Variants in FAM53A observed in about 807,000 individuals in gnomAD.
The protein encoded by FAM53A is protein FAM53A.
A neutral mutation model predicts 26.6 loss-of-function variants in FAM53A; 28 were observed. The ratio of observed to expected loss-of-function variants is 1.05; its 90% CI spans 0.78 to 1.45. FAM53A has a LOEUF of 1.45. Ranked by LOEUF, FAM53A falls within the 40% of genes most tolerant of loss-of-function variation. The probability of loss-of-function intolerance (pLI) is 0.00; values close to 1 mark genes in which losing one functional copy is unlikely to be tolerated. For missense variants in FAM53A, 650 were observed against 575.8 expected (o/e 1.13, Z -1.32); for synonymous variants, 290 against 253.1 (o/e 1.15, Z -1.38).
At chr4:1,638,671 C>T (rs534355320), downstream of FAM53A, among the ~76,000 whole-genome samples, 94 of 152,068 alleles carry the variant, frequency 6.2e-4, no homozygotes, top group African/African-American at 2.0e-3. Flanking sequence ...AGGGGAGTGT[C>T]GGAGGGGTGG....
rs1715551609 is a variant in FAM53A, at chr4:1,630,220, C to T, written c.432-12109G>A. On this transcript the variant is annotated intron_variant, in intron 1 of 1. Transcript: ENST00000489029. The surrounding 1 kb of genome is among the most constrained non-coding windows in gnomAD (Gnocchi z 4.3). ...CCCACGAGGCAGGTGCACAAGACAG[C>T]CTGGCCCTGGTGCCACCTGCTGCAG... Among the ~76,000 whole-genome samples, 1 of 152,222 alleles carries T rather than the reference C, an allele frequency of 6.6e-6. No homozygotes were observed.
At chr4:1,622,289 G>T (rs949857530) in intron 1 of FAM53A, among the ~76,000 whole-genome samples, 3 of 152,182 alleles carry the variant, frequency 2.0e-5, no homozygotes, top group Non-Finnish European at 4.4e-5. Context: ...CCCCAGTGTG[G>T]GGGTGACGAC....
intron 1 of FAM53A, among the ~76,000 whole-genome samples, chr4:1,620,226 T>C (rs1714970530): frequency 6.6e-6 from 1 of 150,666 alleles, no homozygotes; most frequent in South Asian, 2.1e-4. Flanking sequence ...AAAAATTAAT[T>C]AATTAAAAAT....
intron 1 of FAM53A, among the ~76,000 whole-genome samples, chr4:1,634,843 T>C (rs561119900): frequency 3.3e-5 from 5 of 150,962 alleles, no homozygotes; most frequent in African/African-American, 1.2e-4. Flanking sequence ...GAGATTGCAG[T>C]GAGTCAAGAT....
At chr4:1,574,383 T>G in the FAM53A span, 1 of 152,536 alleles carries the variant, frequency 6.6e-6, no homozygotes, top group Non-Finnish European at 1.5e-5. Context: ...AGGGCCGGAC[T>G]GGTGCCCTCC....
At chr4:1,614,895 A>C (rs945220116), downstream of FAM53A, among the ~76,000 whole-genome samples, 7 of 152,168 alleles carry the variant, frequency 4.6e-5, no homozygotes, top group Non-Finnish European at 7.4e-5. Context: ...TGGCCGTCCT[A>C]TGCTGACGGA....
At chr4:1,613,888 T>C (rs1197219760), downstream of FAM53A, among the ~76,000 whole-genome samples, 5 of 152,194 alleles carry the variant, frequency 3.3e-5, no homozygotes, top group Non-Finnish European at 7.3e-5. Flanking sequence ...TACCTGTACC[T>C]CACCTGTACC....
At chr4:1,631,447 T>C (rs1306629870) in intron 1 of FAM53A, among the ~76,000 whole-genome samples, 1 of 152,160 alleles carries the variant, frequency 6.6e-6, no homozygotes, top group Non-Finnish European at 1.5e-5. Context: ...ACTGTGGGGC[T>C]CCTGTGCCGG....
chr4:1,644,089 C>A (rs1712009242), intron 4 of FAM53A: 2 of 1,447,986 alleles, frequency 1.4e-6, no homozygotes, highest in Non-Finnish European at 1.8e-6. Flanking sequence ...CGTGACCTTG[C>A]AGACTCTGGC....
chr4:1,589,988 T>C, the FAM53A span, among the ~76,000 whole-genome samples: 2 of 152,318 alleles, frequency 1.3e-5, no homozygotes, highest in African/African-American at 4.8e-5. Context: ...TTTGCTCATT[T>C]ATTTTTGACT....
chr4:1,680,319 CAAAAAAAAAAAA>C (rs143458191), intron 1 of FAM53A, among the ~76,000 whole-genome samples: 1 of 82,662 alleles, frequency 1.2e-5, no homozygotes. Context: ...AACTCCGTCT[CAAAAAAAAAAAA>C]AAAAAAAAAA....
rs750685582 is a variant in FAM53A at position 1,655,021 on chromosome 4, G to A, written c.839C>T (p.Ala280Val). The part of the protein sequence containing the change: ...SRRKRRREED[A>V]RWTRPSLDFL... ...GTCCAAGGATGGGCGTGTCCACCTGGCGTCCTCCTCACGCCTCCGTTTGCG... is the reference window on the plus strand; with the variant it reads ...GTCCAAGGATGGGCGTGTCCACCTGACGTCCTCCTCACGCCTCCGTTTGCG... The change falls in exon 4 of 5, where the codon GCC becomes GTC. Residue 280 changes from alanine (A) to valine (V), a missense_variant. Physicochemically the swap from Ala to Val is moderately conservative, Grantham distance 64 (BLOSUM62 0). Coordinates refer to ENST00000308132, the MANE Select transcript of FAM53A (RefSeq NM_001174070.3). The A allele has an allele frequency of 9.0e-6, 14 of 1,560,136 alleles. No homozygotes were observed. In the Admixed American group the frequency reaches 2.1e-4, roughly 24 times the overall value.
At chr4:1,627,187 C>A (rs141944515) in intron 1 of FAM53A, among the ~76,000 whole-genome samples, 15 of 152,192 alleles carry the variant, frequency 9.9e-5, no homozygotes, top group Non-Finnish European at 2.1e-4. Context: ...CAGGTCCCCA[C>A]CGGCCCCAGC....
At chr4:1,623,780 A>C (rs1715161260) in intron 1 of FAM53A, among the ~76,000 whole-genome samples, 1 of 152,244 alleles carries the variant, frequency 6.6e-6, no homozygotes, top group South Asian at 2.1e-4. Context: ...AGGGCTGCTA[A>C]TGAAAATATC....
intron 4 of FAM53A, chr4:1,644,427 A>C: frequency 1.3e-6 from 2 of 1,482,394 alleles, no homozygotes; most frequent in Non-Finnish European, 1.8e-6. Context: ...CAGACACGGC[A>C]GCTGTACAGC....
At chr4:1,590,775 A>G in the FAM53A span, among the ~76,000 whole-genome samples, 4 of 151,506 alleles carry the variant, frequency 2.6e-5, no homozygotes, top group African/African-American at 4.9e-5. Context: ...TAGATAATAG[A>G]GGTAATTCAA....
intron 1 of FAM53A, among the ~76,000 whole-genome samples, chr4:1,632,737 C>A (rs1715663418): frequency 6.6e-6 from 1 of 152,234 alleles, no homozygotes; most frequent in Non-Finnish European, 1.5e-5. Flanking sequence ...TGTATACACA[C>A]CACGCAGGCA....
chr4:1,653,608 C>T (rs1040583099), intron 4 of FAM53A, among the ~76,000 whole-genome samples: 9 of 152,208 alleles, frequency 5.9e-5, no homozygotes, highest in Non-Finnish European at 1.2e-4. Context: ...ACTGGCTTCC[C>T]CAGGTCAGCC....
chr4:1,593,867 G>A, the FAM53A span, among the ~76,000 whole-genome samples: 1 of 152,180 alleles, frequency 6.6e-6, no homozygotes, highest in African/African-American at 2.4e-5. Context: ...CTTTTTAAGG[G>A]AGAAAAGGAG....
Sources: gnomAD v4.1 joint callset for allele counts (sites outside exome capture counted in the v4.1 genomes callset) on GRCh38, gnomAD v4.1.1 for gene constraint, Gnocchi (gnomAD v3.1) non-coding constraint, MANE v1.5 for transcripts, NCBI Gene and HGNC (gene_info 2026-07-23, HGNC 2026-07-21) for gene names.